Variants in SEC24B observed in about 807,000 individuals in gnomAD.
SEC24B encodes protein transport protein Sec24B.
In SEC24B, 45 loss-of-function variants were observed where a neutral mutation model predicts 142.8. The observed-to-expected ratio is 0.32, with a 90% CI of 0.25 to 0.40. SEC24B has a LOEUF of 0.40. Ranked by LOEUF, SEC24B falls within the 10% of genes least tolerant of loss-of-function variation. The pLI, the probability that SEC24B is intolerant of heterozygous loss-of-function variation, is 1.00. For synonymous variants in SEC24B, 574 were observed against 568.2 expected (o/e 1.01, Z -0.15); for missense variants, 1,409 against 1,526.8 (o/e 0.92, Z 1.29).
At chr4:109,509,961 T>C in intron 7 of SEC24B, 48 bp from the exon 8 acceptor site, 1 of 1,201,626 alleles carries the variant, frequency 8.3e-7, no homozygotes, top group South Asian at 1.4e-5. Flanking sequence ...CTTCAGTGTA[T>C]TTTTCTCTGA....
Position 109,521,515 on chromosome 4 carries a change from A to G in SEC24B, c.2397A>G (p.Lys799=). The G allele has an allele frequency of 6.2e-7, 1 of 1,614,198 alleles. No homozygotes were observed. Among genetic ancestry groups the G allele is most frequent in the South Asian group, 1.1e-5 (1 of 91,086 alleles). Residue 799 remains lysine (K), a synonymous_variant, in exon 14 of 24, where the codon AAA becomes AAG. Coordinates refer to ENST00000265175, the MANE Select transcript of SEC24B (RefSeq NM_006323.5). ...ALGPALQAAF[K]LMSPTGGRVS... ...GTCCTGCACTTCAGGCTGCCTTTAAATTAATGTCTCCAACAGGTGGCCGTG... is the reference window on the plus strand; with the variant it reads ...GTCCTGCACTTCAGGCTGCCTTTAAGTTAATGTCTCCAACAGGTGGCCGTG...
chr4:109,437,680 A>G (rs1239276210), intron 1 of SEC24B, among the ~76,000 whole-genome samples: 2 of 152,164 alleles, frequency 1.3e-5, no homozygotes, highest in African/African-American at 4.8e-5. Context: ...GCTGGAGTGC[A>G]GTGGCACGAT....
intron 7 of SEC24B, among the ~76,000 whole-genome samples, chr4:109,508,292 TA>T (rs2126040763): frequency 6.6e-6 from 1 of 152,234 alleles, no homozygotes; most frequent in African/African-American, 2.4e-5. Context: ...GGGCCATGCA[TA>T]GTAGCTCACG....
intron 1 of SEC24B, among the ~76,000 whole-genome samples, chr4:109,445,967 C>CTTTTTTT (rs34601695): frequency 7.6e-6 from 1 of 130,942 alleles, no homozygotes; most frequent in Non-Finnish European, 1.7e-5. Context: ...TTCTAAGATG[C>CTTTTTTT]TTTTTTTTTT....
chr4:109,455,610 C>T (rs896270944), intron 1 of SEC24B, among the ~76,000 whole-genome samples: 6 of 152,174 alleles, frequency 3.9e-5, no homozygotes, highest in Non-Finnish European at 8.8e-5. Flanking sequence ...CTTTTTTTCA[C>T]ATGTAGATAT....
intron 3 of SEC24B, among the ~76,000 whole-genome samples, chr4:109,475,623 T>A (rs879332572): frequency 2.6e-5 from 4 of 152,142 alleles, no homozygotes; most frequent in Admixed American, 2.6e-4. Context: ...TACTTGTAGT[T>A]ATGCAGTTTT....
intron 14 of SEC24B, 94 bp downstream of exon 14, chr4:109,521,720 G>GT (rs1184930673): frequency 1.2e-5 from 12 of 1,001,080 alleles, no homozygotes; most frequent in Non-Finnish European, 1.7e-5. Flanking sequence ...AGAGAGTTGG[G>GT]TTTTTTTGTT....
intron 9 of SEC24B, 21 bp from the exon 10 acceptor site, chr4:109,513,726 G>A (rs1404038570): frequency 1.5e-6 from 2 of 1,371,470 alleles, no homozygotes; most frequent in Non-Finnish European, 2.1e-6. Context: ...CTCTAAATTT[G>A]TACTGGGACC....
chr4:109,522,134 C>G (rs1012148820), intron 14 of SEC24B, among the ~76,000 whole-genome samples: 1 of 151,216 alleles, frequency 6.6e-6, no homozygotes, highest in African/African-American at 2.4e-5. Flanking sequence ...TCACTGCAAG[C>G]TCTGCCTTCG....
intron 1 of SEC24B, among the ~76,000 whole-genome samples, chr4:109,459,923 TTAAA>T (rs920778394): frequency 9.9e-5 from 15 of 152,268 alleles, no homozygotes; most frequent in African/African-American, 2.9e-4. Flanking sequence ...TTTAATATAT[TTAAA>T]TAGGAGAAAG....
chr4:109,503,060 TTC>T (rs1736317967), intron 6 of SEC24B, among the ~76,000 whole-genome samples: 1 of 148,488 alleles, frequency 6.7e-6, no homozygotes, highest in Admixed American at 6.7e-5. Context: ...ATTTCTTTCT[TTC>T]TTTTTTTTTT....
chr4:109,522,341 G>A (rs558351440), intron 14 of SEC24B, among the ~76,000 whole-genome samples: 16 of 152,262 alleles, frequency 1.1e-4, no homozygotes, highest in African/African-American at 3.6e-4. Context: ...GTGAGCCACC[G>A]TGCCCGGCGA....
chr4:109,439,646 C>T (rs1274117354), intron 1 of SEC24B, among the ~76,000 whole-genome samples: 1 of 150,330 alleles, frequency 6.7e-6, no homozygotes. Context: ...GGATTACAGG[C>T]ATGCGCCACC....
rs1011144435 is a variant in SEC24B at position 109,491,495 on chromosome 4, A to G, written c.1246+88A>G. The G allele has an allele frequency of 4.5e-4, 421 of 933,358 alleles. 4 individuals are homozygous for G. Among genetic ancestry groups the G allele is most frequent in the Non-Finnish European group, 7.3e-5 (43 of 592,494 alleles). 57.8% of individuals were successfully genotyped at this position (933,358 alleles called of 1,614,324 possible). ...AATGTGAACATGTATTACACATAAT[A>G]GCAGGCTATATTTTTAACAAGAAAA... is the stretch of plus-strand genomic sequence containing the variant. On this transcript the variant is annotated intron_variant, in intron 5 of 23. Coordinates refer to ENST00000265175, the MANE Select transcript of SEC24B (RefSeq NM_006323.5).
rs540044361 is a variant in SEC24B at position 109,433,980 on chromosome 4, C to T, written c.111C>T (p.Gly37=). 27 of 1,202,550 alleles carry T rather than the reference C, an allele frequency of 2.2e-5. No individual in the cohort carries two copies. The African/African-American group carries it at 4.2e-4, about 19-fold the overall frequency. 74.5% of individuals were successfully genotyped at this position (1,202,550 alleles called of 1,614,324 possible). Residue 37 remains glycine (G), a synonymous_variant, in exon 1 of 24, where the codon GGC becomes GGT. Coordinates refer to ENST00000265175, the MANE Select transcript of SEC24B (RefSeq NM_006323.5). ...GAAAPAGPGA[G]PAPHQQNGPA... ...CAGCGCCCGCGGGCCCGGGTGCGGGCCCGGCGCCGCACCAGCAGAACGGTG... is the reference window on the plus strand; with the variant it reads ...CAGCGCCCGCGGGCCCGGGTGCGGGTCCGGCGCCGCACCAGCAGAACGGTG...
intron 2 of SEC24B, among the ~76,000 whole-genome samples, chr4:109,466,123 TTGA>T (rs1221007459): frequency 2.0e-5 from 3 of 152,328 alleles, no homozygotes; most frequent in Non-Finnish European, 4.4e-5. Context: ...ACTTTCTCAG[TTGA>T]TACGTTTCAA....
At chr4:109,490,026 C>T (rs1269561408) in intron 4 of SEC24B, among the ~76,000 whole-genome samples, 1 of 152,002 alleles carries the variant, frequency 6.6e-6, no homozygotes, top group Non-Finnish European at 1.5e-5. Flanking sequence ...TGTCTTCTAC[C>T]TATTACTTAT....
Position 109,494,604 on chromosome 4 carries a change from C to A in SEC24B, c.1247-11C>A, listed in dbSNP as rs1735340870. The stretch of plus-strand genomic sequence containing the variant: ...TTTCAGTTGTTAACACCATGTGTTT[C>A]CATTTTTTAGATATGCTTTCTTCAT... On this transcript the variant is annotated splice_polypyrimidine_tract_variant and intron_variant, in intron 5 of 23. Transcript: ENST00000265175. 6 of 1,613,518 alleles carry A rather than the reference C, an allele frequency of 3.7e-6. No individual in the cohort carries two copies. The highest frequency in any genetic ancestry group is 3.3e-5 in the South Asian group (3 of 91,086).
chr4:109,460,034 A>G (rs1485190063), intron 1 of SEC24B, among the ~76,000 whole-genome samples: 2 of 152,212 alleles, frequency 1.3e-5, no homozygotes, highest in African/African-American at 4.8e-5. Flanking sequence ...ATTACCATCT[A>G]AAATAATCTA....
Sources: allele counts gnomAD v4.1 joint callset (sites outside exome capture counted in the v4.1 genomes callset), GRCh38; gene constraint gnomAD v4.1.1; transcripts MANE v1.5; gene names NCBI Gene and HGNC (gene_info 2026-07-23, HGNC 2026-07-21).